Variants in PCGF6 observed in about 807,000 individuals in gnomAD.
PCGF6 encodes the protein polycomb group ring finger 6, also known as polycomb group RING finger protein 6.
Under a neutral mutation model 45.5 loss-of-function variants are expected in PCGF6, and 24 were observed. The ratio of observed to expected loss-of-function variants is 0.53; its 90% CI spans 0.38 to 0.74. The LOEUF is 0.74. Among genes scored for constraint, PCGF6 ranks in the 30% least tolerant of loss-of-function variants. The pLI, the probability that PCGF6 is intolerant of heterozygous loss-of-function variation, is 0.00. For missense variants in PCGF6, 356 were observed against 443.2 expected (o/e 0.80, Z 1.77); for synonymous variants, 152 against 162.1 (o/e 0.94, Z 0.47).
chr10:103,321,510 G>A (rs1053681621), intron 8 of PCGF6, among the ~76,000 whole-genome samples: 10 of 152,046 alleles, frequency 6.6e-5, no homozygotes, highest in Admixed American at 2.6e-4. Flanking sequence ...TCAGGAGATC[G>A]AGATCATCCT....
At chr10:103,345,490 T>C (rs1412850455) in intron 5 of PCGF6, among the ~76,000 whole-genome samples, 1 of 149,932 alleles carries the variant, frequency 6.7e-6, no homozygotes, top group East Asian at 2.0e-4. Flanking sequence ...TCCCATGATA[T>C]AGGTACCAGT....
At chr10:103,315,439 A>C (rs1157841010) in intron 8 of PCGF6, among the ~76,000 whole-genome samples, 1 of 152,098 alleles carries the variant, frequency 6.6e-6, no homozygotes, top group African/African-American at 2.4e-5. Flanking sequence ...GGCTCACTGC[A>C]AGCTTCACCT....
At chr10:103,335,573 G>A (rs1177364563) in intron 6 of PCGF6, among the ~76,000 whole-genome samples, 1 of 152,018 alleles carries the variant, frequency 6.6e-6, no homozygotes, top group Non-Finnish European at 1.5e-5. Context: ...ATGTTGTTCA[G>A]GATGGCCTCG....
chr10:103,306,660 A>C (rs897733806), intron 9 of PCGF6, among the ~76,000 whole-genome samples: 1 of 152,288 alleles, frequency 6.6e-6, no homozygotes, highest in South Asian at 2.1e-4. Context: ...GTAAAAACTC[A>C]CCAGAATTCT....
chr10:103,330,342 T>C (rs575976757), intron 7 of PCGF6, among the ~76,000 whole-genome samples: 4 of 152,230 alleles, frequency 2.6e-5, no homozygotes, highest in Admixed American at 2.6e-4. Context: ...CCTAAAGTGC[T>C]GGGATTACAG....
chr10:103,336,127 G>A (rs770094284), intron 6 of PCGF6, among the ~76,000 whole-genome samples: 3 of 151,858 alleles, frequency 2.0e-5, no homozygotes, highest in East Asian at 1.9e-4. Flanking sequence ...CCAGCTACTC[G>A]GGAGGCTGAG....
intron 7 of PCGF6, among the ~76,000 whole-genome samples, chr10:103,328,118 G>A (rs1004130731): frequency 1.3e-5 from 2 of 152,132 alleles, no homozygotes; most frequent in South Asian, 2.1e-4. Flanking sequence ...ACCCAGCTCC[G>A]ATCTGAGACA....
chr10:103,336,098 G>A (rs1357356735), intron 6 of PCGF6, among the ~76,000 whole-genome samples: 1 of 151,826 alleles, frequency 6.6e-6, no homozygotes, highest in African/African-American at 2.4e-5. Context: ...GCAAGGTGTG[G>A]TGGCGTGCAC....
At chr10:103,337,433 A>G (rs1036345097) in intron 6 of PCGF6, among the ~76,000 whole-genome samples, 2 of 152,142 alleles carry the variant, frequency 1.3e-5, no homozygotes, top group African/African-American at 4.8e-5. Flanking sequence ...CAATCCTTTG[A>G]GTTGCTATTG....
Position 103,345,087 on chromosome 10 carries a change from A to G in PCGF6, c.719T>C (p.Val240Ala). 4 of 1,613,430 alleles carry G rather than the reference A, an allele frequency of 2.5e-6. No homozygotes were observed. The highest frequency in any genetic ancestry group is 3.4e-6 in the Non-Finnish European group (4 of 1,179,620). ...TGGAATACGAAACACTGATTCTAGGACTTTTTTAGATCTTCCTTTGCTTGA... is the reference window on the plus strand; with the variant it reads ...TGGAATACGAAACACTGATTCTAGGGCTTTTTTAGATCTTCCTTTGCTTGA... Reference protein sequence around the residue: ...VPSSKGRSKKVLESVFRIPPE... With the variant: ...VPSSKGRSKKALESVFRIPPE... Residue 240 changes from valine (V) to alanine (A), a missense_variant, in exon 6 of 10, where the codon GTC becomes GCC. By Grantham distance (64) the Val-to-Ala change is moderately conservative. This residue lies in a region of PCGF6 where 307 missense variants were observed against 350.1 expected (regional missense o/e 0.88). Coordinates refer to ENST00000369847, the MANE Select transcript of PCGF6 (RefSeq NM_001011663.2).
chr10:103,322,762 C>T (rs559814945), intron 8 of PCGF6, among the ~76,000 whole-genome samples: 26 of 151,762 alleles, frequency 1.7e-4, no homozygotes, highest in Admixed American at 1.5e-3. Context: ...AGGTAGAGAC[C>T]GCAGTGAGTC....
intron 6 of PCGF6, 118 bp from the exon 7 acceptor site, chr10:103,334,070 C>A: frequency 3.0e-6 from 2 of 677,676 alleles, no homozygotes; most frequent in Admixed American, 4.1e-5. Context: ...AGAACACAGT[C>A]ACCTGAAGTT....
intron 8 of PCGF6, among the ~76,000 whole-genome samples, chr10:103,322,818 T>C (rs1055145387): frequency 2.7e-5 from 4 of 150,586 alleles, no homozygotes; most frequent in African/African-American, 9.8e-5. Context: ...AGCAAGACTC[T>C]GTATCACACA....
At chr10:103,348,691 A>G (rs376319280) in intron 3 of PCGF6, 25 bp downstream of exon 3, 25 of 1,428,822 alleles carry the variant, frequency 1.7e-5, no homozygotes, top group Non-Finnish European at 2.4e-5. Context: ...TTAAAATACA[A>G]TTGTAATTTA....
chr10:103,311,646 G>A (rs1243296680), intron 9 of PCGF6, among the ~76,000 whole-genome samples: 1 of 151,632 alleles, frequency 6.6e-6, no homozygotes, highest in Non-Finnish European at 1.5e-5. Flanking sequence ...TTTACCATAT[G>A]TTTTCTATAC....
At chr10:103,323,713 C>G (rs2093206272) in intron 8 of PCGF6, among the ~76,000 whole-genome samples, 1 of 151,638 alleles carries the variant, frequency 6.6e-6, no homozygotes, top group Non-Finnish European at 1.5e-5. Context: ...TTGCCTCAGC[C>G]TCCTGAGTAG....
chr10:103,346,039 A>C (rs1168642631), intron 5 of PCGF6, among the ~76,000 whole-genome samples: 2 of 150,884 alleles, frequency 1.3e-5, no homozygotes, highest in Non-Finnish European at 3.0e-5. Context: ...CTAAAAATAC[A>C]AAAAAAATTA....
intron 5 of PCGF6, 95 bp from the exon 6 acceptor site, chr10:103,345,227 T>C: frequency 3.5e-6 from 3 of 867,402 alleles, no homozygotes; most frequent in East Asian, 2.7e-5. Flanking sequence ...TTATGTTGAG[T>C]ATTTAAAAGA....
At chr10:103,315,194 T>G (rs1361729103) in intron 8 of PCGF6, among the ~76,000 whole-genome samples, 4 of 152,066 alleles carry the variant, frequency 2.6e-5, no homozygotes, top group Non-Finnish European at 5.9e-5. Context: ...ATATATCTTT[T>G]TATTCCCCCC....
Sources: gnomAD v4.1 joint callset for allele counts (sites outside exome capture counted in the v4.1 genomes callset) on GRCh38, gnomAD v4.1.1 for gene constraint, gnomAD v4.1.1 regional missense constraint, MANE v1.5 for transcripts, NCBI Gene and HGNC (gene_info 2026-07-23, HGNC 2026-07-21) for gene names.